The following CUBN variants were observed in gnomAD, a reference collection of about 807,000 sequenced individuals.
CUBN encodes the protein cubilin, also known as 460 kDa receptor.
A neutral mutation model predicts 405.3 loss-of-function variants in CUBN; 282 were observed. The observed-to-expected ratio is 0.70, with a 90% CI of 0.63 to 0.77. The LOEUF is 0.77. Among genes scored for constraint, CUBN ranks in the 30% least tolerant of loss-of-function variants. The probability of loss-of-function intolerance (pLI) is 0.00; values close to 1 mark genes in which losing one functional copy is unlikely to be tolerated. For synonymous variants in CUBN, 1,684 were observed against 1,617.0 expected, an observed-to-expected ratio of 1.04 and a Z score of -0.99; for missense variants, 4,514 against 4,475.2, an observed-to-expected ratio of 1.01 and a Z score of -0.25.
At chr10:16,930,092 ATTGAGCCTAATC>A (rs1250443468) in intron 40 of CUBN, among the ~76,000 whole-genome samples, 2 of 152,176 alleles carry the variant, frequency 1.3e-5, no homozygotes, top group African/African-American at 4.8e-5. Flanking sequence ...TTGCAGAAAG[ATTGAGCCTAATC>A]TTGAGCCTAA....
chr10:17,020,539 T>C (rs986124648), intron 27 of CUBN, among the ~76,000 whole-genome samples: 5 of 152,144 alleles, frequency 3.3e-5, no homozygotes, highest in Non-Finnish European at 1.5e-5. Context: ...TTTAGAAATA[T>C]ATGAAAAAGG....
At position 16,840,332 on chromosome 10, in the gene CUBN, G is replaced by A. The variant is rs764857559; in HGVS notation, c.10030C>T (p.Gln3344Ter). Residue 3344 changes from glutamine to a stop codon, truncating the protein, a stop_gained and splice_region_variant, in exon 62 of 67, where the codon CAG becomes TAG. Transcript: ENST00000377833. LOFTEE classifies it high-confidence loss of function. Reference protein sequence around the residue: ...QNYLQLQDSPQGHGNSRFQFC... With the variant: ...QNYLQLQDSP ...GCCATTCATCTTATAATTGTTACCT[G>A]CGGTGAGTCCTGAAGCTGTAAGTAA... is the stretch of plus-strand genomic sequence containing the variant. 6.2e-7 allele frequency: 1 copy of A among 1,613,540 alleles called. No individual in the cohort carries two copies. The highest frequency in any genetic ancestry group is 1.7e-5 in the Admixed American group (1 of 60,018).
At chr10:16,952,153 G>C (rs1278536393) in intron 33 of CUBN, 123 bp downstream of exon 33, 1 of 727,984 alleles carries the variant, frequency 1.4e-6, no homozygotes, top group Non-Finnish European at 2.5e-6. Context: ...ATTGGGACTT[G>C]CAAAAGATGA....
At chr10:17,028,443 G>T (rs1588595911) in intron 27 of CUBN, among the ~76,000 whole-genome samples, 1 of 151,826 alleles carries the variant, frequency 6.6e-6, no homozygotes, top group Non-Finnish European at 1.5e-5. Context: ...AGAGCCTGCC[G>T]GGTGCGATGG....
intron 31 of CUBN, among the ~76,000 whole-genome samples, chr10:16,973,454 T>C (rs1449157726): frequency 6.6e-6 from 1 of 152,198 alleles, no homozygotes; most frequent in Non-Finnish European, 1.5e-5. Flanking sequence ...AGGCCCAGAA[T>C]TACAGACGGC....
intron 31 of CUBN, among the ~76,000 whole-genome samples, chr10:16,972,949 T>G (rs543546297): frequency 2.6e-5 from 4 of 152,162 alleles, no homozygotes; most frequent in Admixed American, 2.6e-4. Context: ...CTACCATCTT[T>G]CTTTTTCTCT....
rs1251580315 is a variant in CUBN at position 16,840,217 on chromosome 10, G to C, written c.10032+113C>G. ...GTGCGCATGTACCCTAAAACTTAAA[G>C]TATAATTAAAAAAAAGAAAATTATT... On this transcript the variant is annotated intron_variant, in intron 62 of 66. Transcript: ENST00000377833. The C allele has an allele frequency of 7.7e-6, 7 of 908,844 alleles. 1 individual carries two copies. The highest frequency in any genetic ancestry group is 1.2e-5 in the Non-Finnish European group (7 of 567,854). 56.3% of individuals were successfully genotyped at this position (908,844 alleles called of 1,614,324 possible).
intron 17 of CUBN, among the ~76,000 whole-genome samples, chr10:17,072,496 G>A (rs1370507823): frequency 6.6e-6 from 1 of 152,148 alleles, no homozygotes; most frequent in Non-Finnish European, 1.5e-5. Context: ...CACCTTGGGA[G>A]GCCAAGGTGA....
intron 31 of CUBN, among the ~76,000 whole-genome samples, chr10:16,977,718 C>G (rs764789590): frequency 1.3e-5 from 2 of 152,200 alleles, no homozygotes; most frequent in Non-Finnish European, 2.9e-5. Flanking sequence ...CTGTAGCATG[C>G]CCACTAGGGC....
intron 60 of CUBN, 75 bp from the exon 61 acceptor site, chr10:16,841,122 A>G (rs1275080284): frequency 1.5e-6 from 2 of 1,295,182 alleles, no homozygotes; most frequent in Non-Finnish European, 2.2e-6. Context: ...TTGGACGCGA[A>G]GTTGCAATAG....
chr10:17,071,993 A>C, intron 17 of CUBN, 22 bp from the exon 18 acceptor site: 1 of 1,597,918 alleles, frequency 6.3e-7, no homozygotes. Flanking sequence ...AATAAAATAG[A>C]GATGTAATTC....
chr10:17,041,282 G>C (rs1835012505), intron 26 of CUBN, 62 bp from the exon 27 acceptor site: 9 of 1,364,534 alleles, frequency 6.6e-6, no homozygotes, highest in Non-Finnish European at 9.4e-6. Context: ...TCCAAGATGA[G>C]ATTTTCCTTT....
At chr10:16,973,616 T>TA (rs60499507) in intron 31 of CUBN, among the ~76,000 whole-genome samples, 63,064 of 147,596 alleles carry the variant, frequency 0.43, 13,737 homozygotes, top group Non-Finnish European at 0.5. Context: ...ACGTGATGGG[T>TA]GGTTTTCAAC....
chr10:16,913,801 G>T lies in CUBN; in HGVS notation c.7533+10C>A, dbSNP rs868682896. 2 of 1,612,852 alleles carry T rather than the reference G, an allele frequency of 1.2e-6. No homozygotes were observed. The highest frequency in any genetic ancestry group is 8.5e-7 in the Non-Finnish European group (1 of 1,179,956). On this transcript the variant is annotated intron_variant, in intron 48 of 66. Transcript: ENST00000377833. ...GGAATATAACATCTCAGGCGGCAGG[G>T]AACACTTACTATCACATGCTCATTG...
chr10:16,847,166 T>C (rs1020480917), intron 60 of CUBN, among the ~76,000 whole-genome samples: 5 of 151,998 alleles, frequency 3.3e-5, no homozygotes, highest in Admixed American at 6.6e-5. Flanking sequence ...TATTTAAATG[T>C]GTTTGGCCGG....
chr10:17,052,174 G>C (rs1835285603), intron 22 of CUBN, among the ~76,000 whole-genome samples: 1 of 152,056 alleles, frequency 6.6e-6, no homozygotes, highest in South Asian at 2.1e-4. Flanking sequence ...GGGAAAACAG[G>C]TTTAAATATC....
intron 49 of CUBN, among the ~76,000 whole-genome samples, chr10:16,906,845 T>A (rs1343698166): frequency 1.3e-5 from 2 of 152,216 alleles, no homozygotes; most frequent in Non-Finnish European, 2.9e-5. Context: ...CCCCTTTTAA[T>A]AAAGGAACAG....
At chr10:16,969,635 G>A (rs944598216) in intron 31 of CUBN, among the ~76,000 whole-genome samples, 4 of 152,176 alleles carry the variant, frequency 2.6e-5, no homozygotes. Flanking sequence ...TTACAGGCGT[G>A]AGCCACTGAG....
At chr10:17,023,757 A>G (rs937143088) in intron 27 of CUBN, 1 of 372,466 alleles carries the variant, frequency 2.7e-6, no homozygotes, top group Admixed American at 3.1e-5. Flanking sequence ...AAAAACTAAG[A>G]AAGATTGCGA....
Sources: gnomAD v4.1 joint callset for allele counts (sites outside exome capture counted in the v4.1 genomes callset) on GRCh38, gnomAD v4.1.1 for gene constraint, MANE v1.5 for transcripts, NCBI Gene and HGNC (gene_info 2026-07-23, HGNC 2026-07-21) for gene names.